ESRRG: variants seen among roughly 807,000 people sequenced by gnomAD.
ESRRG encodes the protein estrogen related receptor gamma.
Under a neutral mutation model 44.0 loss-of-function variants are expected in ESRRG, and 13 were observed. The observed-to-expected ratio is 0.30, with a 90% CI of 0.19 to 0.47. The LOEUF is 0.47. ESRRG is among the 20% of genes least tolerant of loss of function. The pLI is 1.00. For missense variants in ESRRG, 395 were observed against 580.6 expected (o/e 0.68, Z 3.29); for synonymous variants, 215 against 214.6 (o/e 1.00, Z -0.02).
chr1:217,002,335 A>G (rs761716010), intron 1 of ESRRG, among the ~76,000 whole-genome samples: 2 of 110,382 alleles, frequency 1.8e-5, no homozygotes, highest in African/African-American at 2.7e-5. Flanking sequence ...AAAAAAAAAA[A>G]GAAAGAAAGA....
chr1:216,647,163 CTTGTTAT>C (rs1415456049), intron 3 of ESRRG, among the ~76,000 whole-genome samples: 2 of 151,926 alleles, frequency 1.3e-5, no homozygotes, highest in Non-Finnish European at 2.9e-5. Flanking sequence ...TTGATTAGTT[CTTGTTAT>C]TTTCCTTCAA....
At chr1:217,126,569 T>C (rs936260692) in intron 1 of ESRRG, among the ~76,000 whole-genome samples, 4 of 152,040 alleles carry the variant, frequency 2.6e-5, no homozygotes, top group Non-Finnish European at 4.4e-5. Context: ...TCACAACACA[T>C]AGAATATTAA....
At chr1:216,680,010 A>G (rs986676556) in intron 1 of ESRRG, among the ~76,000 whole-genome samples, 1 of 152,214 alleles carries the variant, frequency 6.6e-6, no homozygotes, top group African/African-American at 2.4e-5. Context: ...ACAAGCTGCC[A>G]GAAAGGTCCT....
At position 216,821,709 on chromosome 1, in the gene ESRRG, T is replaced by TAA. The variant is rs1364369555; in HGVS notation, c.-14+117871_-14+117872dup. Reference sequence around the variant, plus strand: ...CAGGAAAAATAAATAAATAAATAAATAAATAAATAAATAAATAAATAAATA... The same window carrying TAA: ...CAGGAAAAATAAATAAATAAATAAATAAAAATAAATAAATAAATAAATAAATA... On this transcript the variant is annotated intron_variant, in intron 2 of 7. Transcript: ENST00000359162. 1.0e-4 allele frequency among the ~76,000 whole-genome samples: 10 copies of TAA among 96,196 alleles called. No individual in the cohort carries two copies. The South Asian group carries it at 3.4e-3, about 33-fold the overall frequency. 63.1% of individuals were successfully genotyped at this position (96,196 alleles called of 152,430 possible).
At chr1:216,873,226 T>TA (rs2096284271) in intron 2 of ESRRG, among the ~76,000 whole-genome samples, 1 of 149,692 alleles carries the variant, frequency 6.7e-6, no homozygotes, top group African/African-American at 2.5e-5. Context: ...TTTTTTTTTT[T>TA]TTTTGACAGA....
intron 2 of ESRRG, among the ~76,000 whole-genome samples, chr1:216,866,247 T>G (rs1239610818): frequency 6.6e-6 from 1 of 152,206 alleles, no homozygotes. Flanking sequence ...ATACACACAT[T>G]TTATTGGACA....
intron 1 of ESRRG, 69 bp downstream of exon 1, chr1:216,723,175 T>G: frequency 7.7e-7 from 1 of 1,294,894 alleles, no homozygotes; most frequent in Non-Finnish European, 1.1e-6. Context: ...TGTGTAAAGA[T>G]ATAGTCTGTC....
chr1:217,072,336 A>G (rs1404525041), intron 1 of ESRRG, among the ~76,000 whole-genome samples: 1 of 152,156 alleles, frequency 6.6e-6, no homozygotes, highest in Non-Finnish European at 1.5e-5. Context: ...AATGTTGAAA[A>G]CCACTGAGCT....
intron 1 of ESRRG, among the ~76,000 whole-genome samples, chr1:217,072,383 A>G (rs970732007): frequency 1.7e-4 from 26 of 152,370 alleles, no homozygotes; most frequent in African/African-American, 6.0e-4. Context: ...GACTTTTCTC[A>G]TAATTCTACC....
At chr1:216,555,480 G>A (rs1033547764) in intron 5 of ESRRG, among the ~76,000 whole-genome samples, 1 of 151,362 alleles carries the variant, frequency 6.6e-6, no homozygotes, top group African/African-American at 2.4e-5. Context: ...AAAATATAGT[G>A]TGTGTTATCA....
At chr1:217,068,353 CT>C (rs5780959) in intron 1 of ESRRG, among the ~76,000 whole-genome samples, 44,633 of 146,630 alleles carry the variant, frequency 0.3, 7,003 homozygotes, top group East Asian at 0.67. Context: ...TCTTAGGAGT[CT>C]TTTTTTTTTT....
At chr1:216,557,754 G>C (rs1376491502) in intron 5 of ESRRG, among the ~76,000 whole-genome samples, 1 of 152,140 alleles carries the variant, frequency 6.6e-6, no homozygotes, top group Non-Finnish European at 1.5e-5. Context: ...GCACACACAT[G>C]TATATGTATT....
chr1:216,549,780 G>A lies in ESRRG; in HGVS notation c.862+14439C>T, dbSNP rs73089905. 1.5e-3 allele frequency among the ~76,000 whole-genome samples: 235 copies of A among 152,222 alleles called. 1 individual carries two copies. Among genetic ancestry groups the A allele is most frequent in the African/African-American group, 5.3e-3 (219 of 41,542 alleles). ...AAGTTTTTGTTCACATTTTCCCCCT[G>A]AAGGAAAACCATTCCATCCAAATAC... On this transcript the variant is annotated intron_variant, in intron 5 of 6. Transcript: ENST00000408911.
chr1:216,804,078 A>G (rs2094708943), intron 2 of ESRRG, among the ~76,000 whole-genome samples: 1 of 152,062 alleles, frequency 6.6e-6, no homozygotes, highest in Non-Finnish European at 1.5e-5. Flanking sequence ...CTCTCACACC[A>G]AGCAAGCAGT....
At chr1:216,516,164 A>G (rs2044199109) in intron 6 of ESRRG, among the ~76,000 whole-genome samples, 1 of 152,132 alleles carries the variant, frequency 6.6e-6, no homozygotes, top group African/African-American at 2.4e-5. Context: ...TGTTAATACT[A>G]AAAAATAAGA....
intron 5 of ESRRG, among the ~76,000 whole-genome samples, chr1:216,559,803 A>C (rs1174846085): frequency 6.6e-6 from 1 of 152,194 alleles, no homozygotes; most frequent in Admixed American, 6.5e-5. Context: ...TAATCTTAAA[A>C]ATTTGACTCT....
At chr1:216,843,438 T>C (rs1050312959) in intron 2 of ESRRG, among the ~76,000 whole-genome samples, 10 of 152,146 alleles carry the variant, frequency 6.6e-5, no homozygotes, top group African/African-American at 2.4e-4. Context: ...ATGCCCCACA[T>C]TGAATTGACA....
At chr1:216,541,287 A>G (rs1465232921) in intron 5 of ESRRG, among the ~76,000 whole-genome samples, 1 of 152,012 alleles carries the variant, frequency 6.6e-6, no homozygotes, top group Non-Finnish European at 1.5e-5. Context: ...CTACAGGGCA[A>G]TCTCACTTAG....
chr1:216,592,409 G>A (rs1558691318), intron 3 of ESRRG, among the ~76,000 whole-genome samples: 1 of 151,920 alleles, frequency 6.6e-6, no homozygotes, highest in Non-Finnish European at 1.5e-5. Context: ...TACCTCCAGT[G>A]GATCTTGATT....
Sources: gnomAD v4.1 joint callset for allele counts (sites outside exome capture counted in the v4.1 genomes callset) on GRCh38, gnomAD v4.1.1 for gene constraint, MANE v1.5 for transcripts, NCBI Gene and HGNC (gene_info 2026-07-23, HGNC 2026-07-21) for gene names.